NTM: variants seen among roughly 807,000 people sequenced by gnomAD.
NTM encodes the protein neurotrimin.
A neutral mutation model predicts 42.1 loss-of-function variants in NTM; 13 were observed. The ratio of observed to expected loss-of-function variants is 0.31; its 90% CI spans 0.20 to 0.49. The LOEUF (loss-of-function observed/expected upper bound fraction) is 0.49. NTM is among the 20% of genes least tolerant of loss of function. The pLI is 0.99. For missense variants in NTM, 373 were observed against 452.8 expected (o/e 0.82, Z 1.60); for synonymous variants, 187 against 179.2 (o/e 1.04, Z -0.35).
At chr11:132,300,062 T>TATCA (rs1277139209) in intron 4 of NTM, among the ~76,000 whole-genome samples, 43 of 152,284 alleles carry the variant, frequency 2.8e-4, no homozygotes, top group Non-Finnish European at 2.5e-4. Flanking sequence ...TTATATTTAT[T>TATCA]ATCAATCACA....
intron 3 of NTM, among the ~76,000 whole-genome samples, chr11:132,191,321 T>C (rs576452752): frequency 6.6e-6 from 1 of 152,278 alleles, no homozygotes; most frequent in South Asian, 2.1e-4. Context: ...CACCTTCCAG[T>C]GCAGCCAGTG....
chr11:132,312,524 C>A, intron 6 of NTM: 1 of 154,646 alleles, frequency 6.5e-6, no homozygotes. Context: ...TGTGTGCCCG[C>A]ACAGAGAAGG....
chr11:132,110,314 G>A (rs2062994606), intron 2 of NTM, among the ~76,000 whole-genome samples: 1 of 152,162 alleles, frequency 6.6e-6, no homozygotes, highest in Non-Finnish European at 1.5e-5. Context: ...CCATAATTTT[G>A]GTTTTCCTGG....
Position 132,332,084 on chromosome 11 carries a change from G to A in NTM, c.967+1899G>A, listed in dbSNP as rs377644414. Among the ~76,000 whole-genome samples the A allele has an allele frequency of 4.6e-5, 7 of 152,304 alleles. No homozygotes were observed. The South Asian group carries it at 8.3e-4, about 18-fold the overall frequency. On this transcript the variant is annotated intron_variant, in intron 8 of 8. Coordinates refer to ENST00000683400, the MANE Select transcript of NTM (RefSeq NM_001352005.2). Reference sequence around the variant, plus strand: ...GGGTAGAAACATCACCTTGGAATTCGCATAAAGAATAAATTCCAGGGGTCA... The same window carrying A: ...GGGTAGAAACATCACCTTGGAATTCACATAAAGAATAAATTCCAGGGGTCA...
At chr11:132,139,463 C>T (rs57894621) in intron 2 of NTM, among the ~76,000 whole-genome samples, 36,136 of 152,150 alleles carry the variant, frequency 0.24, 4,430 homozygotes, top group African/African-American at 0.28. Flanking sequence ...CCATTCATTT[C>T]AGAAAAGTCA....
At chr11:131,601,587 CCTT>C (rs1320261036) in intron 1 of NTM, among the ~76,000 whole-genome samples, 1 of 151,576 alleles carries the variant, frequency 6.6e-6, no homozygotes, top group African/African-American at 2.4e-5. Flanking sequence ...CCTTCCCTCT[CCTT>C]TTTTTTTTTT....
intron 1 of NTM, chr11:131,371,148 T>C (rs1941115160): frequency 1.0e-6 from 1 of 966,246 alleles, no homozygotes; most frequent in African/African-American, 1.8e-5. Context: ...TGTGCTTGTG[T>C]GCAAGGCTCC....
intron 1 of NTM, among the ~76,000 whole-genome samples, chr11:131,789,514 AG>A (rs1221470913): frequency 2.1e-4 from 4 of 19,372 alleles, no homozygotes; most frequent in Non-Finnish European, 3.6e-4. Flanking sequence ...AAGAAGAAGA[AG>A]AAGAAGAAGA....
chr11:132,270,486 C>A (rs1306666066), intron 4 of NTM, among the ~76,000 whole-genome samples: 6 of 152,074 alleles, frequency 3.9e-5, no homozygotes, highest in Non-Finnish European at 7.4e-5. Flanking sequence ...ATCTTGGCCT[C>A]CCAAATTGCT....
At chr11:132,286,943 C>CCT (rs1426802010) in intron 4 of NTM, among the ~76,000 whole-genome samples, 1 of 152,184 alleles carries the variant, frequency 6.6e-6, no homozygotes, top group African/African-American at 2.4e-5. Flanking sequence ...TTCTTTGGTG[C>CCT]CTATGTCCTT....
At chr11:132,116,775 CT>C (rs1373333374) in intron 2 of NTM, among the ~76,000 whole-genome samples, 1 of 152,198 alleles carries the variant, frequency 6.6e-6, no homozygotes, top group East Asian at 1.9e-4. Flanking sequence ...AGTTATAGAC[CT>C]TTCTTCACCA....
At chr11:131,796,808 G>A (rs935695330) in intron 1 of NTM, among the ~76,000 whole-genome samples, 2 of 152,186 alleles carry the variant, frequency 1.3e-5, no homozygotes, top group African/African-American at 2.4e-5. Context: ...CACCAATGAC[G>A]GCAATGCCTG....
At chr11:131,505,151 C>T (rs2047333804) in intron 1 of NTM, among the ~76,000 whole-genome samples, 1 of 151,980 alleles carries the variant, frequency 6.6e-6, no homozygotes, top group African/African-American at 2.4e-5. Context: ...GTAATATTAC[C>T]TGTCCCACAG....
intron 1 of NTM, among the ~76,000 whole-genome samples, chr11:131,787,198 AC>A (rs1477067224): frequency 1.3e-5 from 2 of 151,866 alleles, no homozygotes; most frequent in African/African-American, 4.8e-5. Flanking sequence ...GAGTCCCTCT[AC>A]CCTTGGGATA....
Position 131,789,507 on chromosome 11 carries a change from AAG to A in NTM, c.83-122055_83-122054del, listed in dbSNP as rs1290733259. The stretch of plus-strand genomic sequence containing the variant: ...AAGAAGAAGAGGAAAGAAGAAGAAG[AAG>A]AAGAAGAAGAAGAAGAAGAAGAAGA... On this transcript the variant is annotated intron_variant, in intron 1 of 8. Transcript: ENST00000683400. Among the ~76,000 whole-genome samples, 8 of 11,046 alleles carry A rather than the reference AAG, an allele frequency of 7.2e-4. 1 individual carries two copies. Among genetic ancestry groups the A allele is most frequent in the African/African-American group, 1.7e-3 (4 of 2,342 alleles). The allele number at this position is 11,046 out of a possible 152,430, so 7.2% of individuals were successfully genotyped here. A position where few individuals can be genotyped will look rare whatever the true frequency, so the allele number is the denominator to read the frequency against.
intron 2 of NTM, among the ~76,000 whole-genome samples, chr11:132,076,361 TG>T (rs1274715775): frequency 6.6e-6 from 1 of 152,164 alleles, no homozygotes; most frequent in Non-Finnish European, 1.5e-5. Flanking sequence ...ACTTGGACCA[TG>T]GGCTGCATTA....
intron 2 of NTM, among the ~76,000 whole-genome samples, chr11:132,025,298 G>C (rs1421800060): frequency 2.0e-5 from 3 of 152,206 alleles, no homozygotes; most frequent in African/African-American, 4.8e-5. Flanking sequence ...TTGGTGGGCA[G>C]GTGGTCAGTC....
chr11:131,455,191 C>T (rs901176750), intron 1 of NTM, among the ~76,000 whole-genome samples: 4 of 152,192 alleles, frequency 2.6e-5, no homozygotes, highest in East Asian at 3.9e-4. Flanking sequence ...AGTAATCGAC[C>T]TGAAATCTGC....
chr11:132,137,856 C>T (rs1175701135), intron 2 of NTM, among the ~76,000 whole-genome samples: 7 of 152,184 alleles, frequency 4.6e-5, no homozygotes, highest in Non-Finnish European at 7.4e-5. Flanking sequence ...CCACGCGATC[C>T]GTGCTGGTCG....
Sources: gnomAD v4.1 joint callset for allele counts (sites outside exome capture counted in the v4.1 genomes callset) on GRCh38, gnomAD v4.1.1 for gene constraint, MANE v1.5 for transcripts, NCBI Gene and HGNC (gene_info 2026-07-23, HGNC 2026-07-21) for gene names.